Variants in CSMD1 observed in about 807,000 individuals in gnomAD.
CSMD1 encodes the protein CUB and sushi domain-containing protein 1.
Under a neutral mutation model 417.5 loss-of-function variants are expected in CSMD1, and 213 were observed. The observed-to-expected ratio is 0.51, with a 90% confidence interval of 0.46 to 0.57. CSMD1 has a LOEUF of 0.57. Among genes scored for constraint, CSMD1 ranks in the 20% least tolerant of loss-of-function variants. CSMD1 has a pLI of 0.00. For synonymous variants in CSMD1, 2,862 were observed against 1,736.8 expected, an observed-to-expected ratio of 1.65 and a Z score of -16.11; for missense variants, 6,923 against 4,529.7, an observed-to-expected ratio of 1.53 and a Z score of -15.17.
intron 2 of CSMD1, among the ~76,000 whole-genome samples, chr8:4,436,857 TTTGTGGCTGAAGAGTACTCCA>T (rs963439289): frequency 1.3e-5 from 2 of 152,182 alleles, no homozygotes; most frequent in African/African-American, 4.8e-5. Flanking sequence ...TCTCATCCTT[TTTGTGGCTGAAGAGTACTCCA>T]TTGTGTTTAA....
At chr8:2,989,043 GTAGT>G (rs1806163035) in intron 54 of CSMD1, among the ~76,000 whole-genome samples, 1 of 152,228 alleles carries the variant, frequency 6.6e-6, no homozygotes, top group Admixed American at 6.5e-5. Context: ...ATCTTAGGAA[GTAGT>G]TAGGAAAAGA....
intron 3 of CSMD1, among the ~76,000 whole-genome samples, chr8:4,070,259 T>C (rs549706005): frequency 6.6e-6 from 1 of 152,214 alleles, no homozygotes; most frequent in Non-Finnish European, 1.5e-5. Context: ...AAACATGCAA[T>C]TCAAACTCTA....
intron 3 of CSMD1, among the ~76,000 whole-genome samples, chr8:4,082,349 C>G (rs1012341102): frequency 3.9e-5 from 6 of 152,052 alleles, no homozygotes; most frequent in Non-Finnish European, 4.4e-5. Context: ...GTTAAAATGA[C>G]AGGCCCAGAT....
At chr8:3,582,043 C>T (rs1800404882) in intron 9 of CSMD1, among the ~76,000 whole-genome samples, 1 of 152,120 alleles carries the variant, frequency 6.6e-6, no homozygotes, top group African/African-American at 2.4e-5. Context: ...GATCTGCCTG[C>T]CTTGGCCTCC....
At chr8:4,080,971 C>G (rs1361238800) in intron 3 of CSMD1, among the ~76,000 whole-genome samples, 5 of 152,080 alleles carry the variant, frequency 3.3e-5, no homozygotes. Context: ...AAATTAATGC[C>G]CTTATACAAG....
intron 5 of CSMD1, among the ~76,000 whole-genome samples, chr8:3,842,037 A>G (rs1164029515): frequency 6.6e-6 from 1 of 152,342 alleles, no homozygotes. Context: ...TTTCTAATGC[A>G]TACCCTTGTT....
intron 54 of CSMD1, among the ~76,000 whole-genome samples, chr8:2,982,694 G>T (rs916930951): frequency 2.6e-5 from 4 of 152,216 alleles, no homozygotes; most frequent in Non-Finnish European, 5.9e-5. Context: ...TCACTAACCA[G>T]TGTTTCCCTT....
In CSMD1 at chr8:4,389,488, T is replaced by C. The variant is rs1348638216; in HGVS notation, c.415+30465A>G. Among the ~76,000 whole-genome samples the C allele has an allele frequency of 2.6e-5, 4 of 151,950 alleles. No homozygotes were observed. In the East Asian group the frequency reaches 5.8e-4, roughly 22 times the overall value. On this transcript the variant is annotated intron_variant, in intron 3 of 69. Transcript: ENST00000635120. ...GGTTAGTGCTTTTTTTTCTCAGAAATGTAAAAGAAAAATACAAAGGATAAT... is the reference window on the plus strand; with the variant it reads ...GGTTAGTGCTTTTTTTTCTCAGAAACGTAAAAGAAAAATACAAAGGATAAT...
At chr8:4,373,887 TGTTA>T (rs1358109914) in intron 3 of CSMD1, among the ~76,000 whole-genome samples, 1 of 152,226 alleles carries the variant, frequency 6.6e-6, no homozygotes, top group African/African-American at 2.4e-5. Flanking sequence ...ACGCAGAAGC[TGTTA>T]GTGAGGTATT....
intron 18 of CSMD1, among the ~76,000 whole-genome samples, chr8:3,371,898 A>G (rs1317457139): frequency 6.6e-6 from 1 of 152,224 alleles, no homozygotes; most frequent in Non-Finnish European, 1.5e-5. Flanking sequence ...TATACATCCC[A>G]CTTGAAATTA....
At chr8:4,728,596 A>G (rs1043819338) in intron 1 of CSMD1, among the ~76,000 whole-genome samples, 1 of 152,194 alleles carries the variant, frequency 6.6e-6, no homozygotes, top group African/African-American at 2.4e-5. Flanking sequence ...ACCATTTAAC[A>G]CATGTCCTTC....
At chr8:4,754,263 C>A (rs1338419487) in intron 1 of CSMD1, among the ~76,000 whole-genome samples, 1 of 152,050 alleles carries the variant, frequency 6.6e-6, no homozygotes, top group African/African-American at 2.4e-5. Flanking sequence ...ATAAGATTGA[C>A]TAAGAAGACA....
chr8:3,403,160 G>C (rs1047343192), intron 15 of CSMD1, among the ~76,000 whole-genome samples: 6 of 152,126 alleles, frequency 3.9e-5, no homozygotes, highest in African/African-American at 1.4e-4. Flanking sequence ...GGTTCACTTT[G>C]TGGTCAGTTA....
intron 3 of CSMD1, among the ~76,000 whole-genome samples, chr8:4,052,330 G>C (rs1257340684): frequency 6.6e-6 from 1 of 152,218 alleles, no homozygotes; most frequent in Non-Finnish European, 1.5e-5. Flanking sequence ...ATTATCATAT[G>C]CACAAGGAGT....
At chr8:3,556,357 T>C (rs1221334231) in intron 10 of CSMD1, among the ~76,000 whole-genome samples, 1 of 139,358 alleles carries the variant, frequency 7.2e-6, no homozygotes, top group Non-Finnish European at 1.6e-5. Context: ...TTATTAGCTA[T>C]CTACCCACAA....
chr8:4,373,021 A>G (rs554183291), intron 3 of CSMD1, among the ~76,000 whole-genome samples: 1 of 152,348 alleles, frequency 6.6e-6, no homozygotes, highest in South Asian at 2.1e-4. Flanking sequence ...ATCAGCAGTG[A>G]TGATTCGGGC....
At chr8:3,647,553 A>G (rs1162177159) in intron 7 of CSMD1, among the ~76,000 whole-genome samples, 4 of 152,240 alleles carry the variant, frequency 2.6e-5, no homozygotes. Context: ...AGACAAATAC[A>G]GCATAAAGAG....
intron 1 of CSMD1, among the ~76,000 whole-genome samples, chr8:4,694,734 A>G (rs924765754): frequency 3.9e-5 from 6 of 152,038 alleles, no homozygotes; most frequent in Admixed American, 1.3e-4. Flanking sequence ...GCTGTGCCCA[A>G]CCACCTTGGG....
rs1018557954 is a variant in CSMD1 at position 4,433,893 on chromosome 8, C to G, written c.303-13828G>C. On this transcript the variant is annotated intron_variant, in intron 2 of 69. Transcript: ENST00000635120. Reference sequence around the variant, plus strand: ...GCACAGCCCCATTTCTTTGACAATCCTACAAAAGTCAGGATAAGAACACAG... The same window carrying G: ...GCACAGCCCCATTTCTTTGACAATCGTACAAAAGTCAGGATAAGAACACAG... Among the ~76,000 whole-genome samples, 8 of 152,084 alleles carry G rather than the reference C, an allele frequency of 5.3e-5. 1 individual carries two copies. Among genetic ancestry groups the G allele is most frequent in the African/African-American group, 1.9e-4 (8 of 41,414 alleles).
Sources: allele counts gnomAD v4.1 joint callset (sites outside exome capture counted in the v4.1 genomes callset), GRCh38; gene constraint gnomAD v4.1.1; transcripts MANE v1.5; gene names NCBI Gene and HGNC (gene_info 2026-07-23, HGNC 2026-07-21).